The following SLC30A8 variants were observed in gnomAD, a reference collection of about 807,000 sequenced individuals.
SLC30A8 encodes the protein solute carrier family 30 member 8.
Under a neutral mutation model 36.9 loss-of-function variants are expected in SLC30A8, and 27 were observed. The observed-to-expected ratio is 0.73, with a 90% CI of 0.54 to 1.01. The LOEUF (loss-of-function observed/expected upper bound fraction) is 1.01. Ranked by LOEUF, SLC30A8 falls within the 50% of genes least tolerant of loss-of-function variation. The pLI is 0.00. For missense variants in SLC30A8, 439 were observed against 452.0 expected (o/e 0.97, Z 0.26); for synonymous variants, 164 against 172.4 (o/e 0.95, Z 0.38).
intron 1 of SLC30A8, among the ~76,000 whole-genome samples, chr8:116,961,203 T>A (rs926285908): frequency 2.0e-5 from 3 of 152,016 alleles, no homozygotes; most frequent in Non-Finnish European, 4.4e-5. Context: ...GCCGAGGTGG[T>A]TGGATCACGA....
intron 2 of SLC30A8, among the ~76,000 whole-genome samples, chr8:117,089,937 C>A (rs1180072889): frequency 6.6e-6 from 1 of 152,108 alleles, no homozygotes; most frequent in African/African-American, 2.4e-5. Flanking sequence ...TGGGATTTTA[C>A]ACGTGTTCTT....
chr8:117,129,812 A>G (rs768923048), intron 2 of SLC30A8: 2 of 152,024 alleles, frequency 1.3e-5, no homozygotes, highest in Non-Finnish European at 2.9e-5. Flanking sequence ...TAGGTATATA[A>G]GGCTTTTAAA....
intron 2 of SLC30A8, among the ~76,000 whole-genome samples, chr8:117,061,982 A>G (rs111356966): frequency 6.6e-6 from 1 of 152,200 alleles, no homozygotes; most frequent in East Asian, 1.9e-4. Context: ...AACAGGACCA[A>G]CTTCTTTTCT....
At chr8:117,030,735 G>C (rs1485807339) in intron 1 of SLC30A8, among the ~76,000 whole-genome samples, 1 of 152,128 alleles carries the variant, frequency 6.6e-6, no homozygotes, top group African/African-American at 2.4e-5. Context: ...TCTTTGAAAA[G>C]TTACAAGGAC....
At chr8:117,114,461 G>A (rs1186446380) in intron 2 of SLC30A8, among the ~76,000 whole-genome samples, 1 of 152,068 alleles carries the variant, frequency 6.6e-6, no homozygotes, top group East Asian at 1.9e-4. Flanking sequence ...GAGAAATTAA[G>A]TTTTCTTACA....
chr8:116,994,902 C>A (rs2130672062), intron 1 of SLC30A8, among the ~76,000 whole-genome samples: 1 of 152,156 alleles, frequency 6.6e-6, no homozygotes, highest in African/African-American at 2.4e-5. Context: ...ATTAATTATG[C>A]ATCTGATTAT....
chr8:117,030,149 G>A (rs79046056), intron 1 of SLC30A8, among the ~76,000 whole-genome samples: 2,020 of 151,990 alleles, frequency 0.013, 49 homozygotes, highest in African/African-American at 0.046. Context: ...GGTATATCAG[G>A]GGACATGTAG....
At chr8:117,023,632 A>C (rs1816779520) in intron 1 of SLC30A8, among the ~76,000 whole-genome samples, 1 of 150,984 alleles carries the variant, frequency 6.6e-6, no homozygotes, top group South Asian at 2.1e-4. Context: ...CAAAAAACCA[A>C]ACACCGCATG....
At chr8:116,954,244 A>AT (rs1814106315) in intron 1 of SLC30A8, among the ~76,000 whole-genome samples, 1 of 152,156 alleles carries the variant, frequency 6.6e-6, no homozygotes, top group African/African-American at 2.4e-5. Context: ...ATGGGGAGAC[A>AT]TGAGAGTTCA....
chr8:117,171,577 A>G (rs1157754739), intron 7 of SLC30A8, among the ~76,000 whole-genome samples: 1 of 152,152 alleles, frequency 6.6e-6, no homozygotes, highest in Non-Finnish European at 1.5e-5. Context: ...GGAAGATGAA[A>G]GAGACACCAG....
chr8:116,975,492 A>G (rs542397605), intron 1 of SLC30A8, among the ~76,000 whole-genome samples: 51 of 152,318 alleles, frequency 3.3e-4, no homozygotes, highest in South Asian at 6.2e-4. Context: ...CAAGGAACAT[A>G]TTAAGGCTAG....
intron 1 of SLC30A8, among the ~76,000 whole-genome samples, chr8:116,960,551 T>G (rs979415535): frequency 6.6e-6 from 1 of 152,220 alleles, no homozygotes; most frequent in Non-Finnish European, 1.5e-5. Flanking sequence ...CATGATCTCA[T>G]CACCCCAGTC....
At chr8:116,969,999 C>T (rs1814736995) in intron 1 of SLC30A8, among the ~76,000 whole-genome samples, 1 of 152,042 alleles carries the variant, frequency 6.6e-6, no homozygotes, top group Non-Finnish European at 1.5e-5. Flanking sequence ...CTTACTTTAA[C>T]ATTTTTACTT....
chr8:117,038,872 T>G (rs1450441985), intron 1 of SLC30A8, among the ~76,000 whole-genome samples: 1 of 152,176 alleles, frequency 6.6e-6, no homozygotes, highest in Non-Finnish European at 1.5e-5. Context: ...ATCCCACAAG[T>G]GTTTGCCTTG....
intron 1 of SLC30A8, among the ~76,000 whole-genome samples, chr8:117,000,409 C>T (rs985427753): frequency 2.6e-5 from 4 of 152,056 alleles, no homozygotes; most frequent in Non-Finnish European, 2.9e-5. Flanking sequence ...CCAGGTTTGT[C>T]GTAAGGATCA....
At chr8:117,021,992 T>C (rs1259804044) in intron 1 of SLC30A8, among the ~76,000 whole-genome samples, 1 of 151,416 alleles carries the variant, frequency 6.6e-6, no homozygotes, top group Non-Finnish European at 1.5e-5. Flanking sequence ...AGATAAATTG[T>C]TGTGCAAATG....
chr8:116,978,420 C>G (rs906820123), intron 1 of SLC30A8, among the ~76,000 whole-genome samples: 2 of 152,058 alleles, frequency 1.3e-5, no homozygotes, highest in Non-Finnish European at 2.9e-5. Context: ...CTATGATGCT[C>G]TAACAGTTAT....
intron 1 of SLC30A8, among the ~76,000 whole-genome samples, chr8:116,974,681 T>A (rs1814918618): frequency 6.6e-6 from 1 of 152,130 alleles, no homozygotes; most frequent in South Asian, 2.1e-4. Context: ...GCCATCCCAT[T>A]ACTGGGTATA....
At chr8:116,951,550 C>T (rs1813991846) in intron 1 of SLC30A8, among the ~76,000 whole-genome samples, 1 of 152,058 alleles carries the variant, frequency 6.6e-6, no homozygotes. Context: ...CCTATGACAG[C>T]ATCTACCACA....
Sources: gnomAD v4.1 joint callset for allele counts (sites outside exome capture counted in the v4.1 genomes callset) on GRCh38, gnomAD v4.1.1 for gene constraint, MANE v1.5 for transcripts, NCBI Gene and HGNC (gene_info 2026-07-23, HGNC 2026-07-21) for gene names.